The following SNRPD1 variants were observed in gnomAD, a reference collection of about 807,000 sequenced individuals.
SNRPD1 encodes small nuclear ribonucleoprotein D1 polypeptide.
Under a neutral mutation model 14.4 loss-of-function variants are expected in SNRPD1, and 1 was observed. That is an observed-to-expected ratio of 0.07 (90% CI 0.02 to 0.33). The LOEUF is 0.33. Ranked by LOEUF, SNRPD1 falls within the 10% of genes least tolerant of loss-of-function variation. The pLI is 1.00. For synonymous variants in SNRPD1, 42 were observed against 50.3 expected (o/e 0.83, Z 0.70); for missense variants, 52 against 146.4 (o/e 0.36, Z 3.33).
intron 1 of SNRPD1, among the ~76,000 whole-genome samples, chr18:21,619,119 T>C (rs527604063): frequency 1.3e-5 from 2 of 152,302 alleles, no homozygotes; most frequent in Admixed American, 6.5e-5. Context: ...AGAATGTCAT[T>C]AGAAAATGCA....
intron 1 of SNRPD1, among the ~76,000 whole-genome samples, chr18:21,613,723 C>T (rs575511819): frequency 6.6e-6 from 1 of 151,758 alleles, no homozygotes; most frequent in Non-Finnish European, 1.5e-5. Flanking sequence ...GGCGTGGTGG[C>T]GCGCGCCTTT....
chr18:21,624,838 C>A (rs768819995), intron 3 of SNRPD1, among the ~76,000 whole-genome samples: 75 of 152,044 alleles, frequency 4.9e-4, no homozygotes, highest in Admixed American at 1.2e-3. Flanking sequence ...ATTCTTAAGT[C>A]CCTTTTCATA....
rs527526530 is a variant in SNRPD1, at chr18:21,612,618, G to C, written c.14+175G>C. ...TCGGGCCTGGGCTTCCGCCTGGGTCGCTCGCGGATCCCGCGTGTCTTCCAA... is the reference window on the plus strand; with the variant it reads ...TCGGGCCTGGGCTTCCGCCTGGGTCCCTCGCGGATCCCGCGTGTCTTCCAA... On this transcript the variant is annotated intron_variant, in intron 1 of 3. Coordinates refer to ENST00000300413, the MANE Select transcript of SNRPD1 (RefSeq NM_006938.4). Among the ~76,000 whole-genome samples, 5 of 152,392 alleles carry C rather than the reference G, an allele frequency of 3.3e-5. 1 individual carries two copies. In the South Asian group the frequency reaches 1.0e-3, roughly 32 times the overall value.
intron 1 of SNRPD1, among the ~76,000 whole-genome samples, chr18:21,622,004 A>G (rs926555239): frequency 2.8e-4 from 42 of 152,254 alleles, no homozygotes; most frequent in African/African-American, 9.4e-4. Context: ...AAATCTGTAT[A>G]TATCCTTCTG....
At chr18:21,623,985 TC>T in intron 3 of SNRPD1, 46 bp downstream of exon 3, 1 of 1,072,636 alleles carries the variant, frequency 9.3e-7, no homozygotes, top group Non-Finnish European at 1.4e-6. Context: ...CTAATCCTAA[TC>T]CACACTATTC....
intron 1 of SNRPD1, among the ~76,000 whole-genome samples, chr18:21,620,683 T>C (rs981801894): frequency 2.0e-5 from 3 of 152,138 alleles, no homozygotes; most frequent in Admixed American, 2.0e-4. Flanking sequence ...GTAAATTATG[T>C]ATCCCAGGAG....
Position 21,630,246 on chromosome 18 carries a change from A to G in SNRPD1, c.*1108A>G, listed in dbSNP as rs1407312032. 6.6e-6 allele frequency: 1 copy of G among 152,138 alleles called. No homozygotes were observed. Among genetic ancestry groups the G allele is most frequent in the East Asian group, 1.9e-4 (1 of 5,198 alleles). The allele number at this position is 152,138 out of a possible 1,614,324, so 9.4% of individuals were successfully genotyped here. On this transcript the variant is annotated 3_prime_UTR_variant, in exon 4 of 4. Coordinates refer to ENST00000300413, the MANE Select transcript of SNRPD1 (RefSeq NM_006938.4). ...AAAGACCTACTTTATTTGACAGCAA[A>G]ACTGTTCTAATTGTTAATAAGGACT...
Position 21,630,105 on chromosome 18 carries a change from CTT to C in SNRPD1, c.*968_*969del, listed in dbSNP as rs1485124373. The C allele has an allele frequency of 6.6e-6, 1 of 152,180 alleles. No homozygotes were observed. The highest frequency in any genetic ancestry group is 1.9e-4 in the East Asian group (1 of 5,184). 9.4% of individuals were successfully genotyped at this position (152,180 alleles called of 1,614,324 possible). A position where few individuals can be genotyped will look rare whatever the true frequency, so the allele number is the denominator to read the frequency against. Reference sequence around the variant, plus strand: ...TAGTTTTATGTTTTCCAAGTTATAACTTGGAGTTAATGGTCACTAGATTATCA... The same window carrying C: ...TAGTTTTATGTTTTCCAAGTTATAACGGAGTTAATGGTCACTAGATTATCA... On this transcript the variant is annotated 3_prime_UTR_variant, in exon 4 of 4. Coordinates refer to ENST00000300413, the MANE Select transcript of SNRPD1 (RefSeq NM_006938.4).
In SNRPD1 at chr18:21,631,635, A is replaced by G. The variant is rs1358110287; in HGVS notation, c.*2497A>G. ...GTCTTTTTAGTAGAGACGGGGTTTC[A>G]CTGTGTTAGGATGGTCTCGTTCTCC... On this transcript the variant is annotated 3_prime_UTR_variant, in exon 4 of 4. Coordinates refer to ENST00000300413, the MANE Select transcript of SNRPD1 (RefSeq NM_006938.4). 1 of 151,766 alleles carries G rather than the reference A, an allele frequency of 6.6e-6. No homozygotes were observed. The highest frequency in any genetic ancestry group is 1.5e-5 in the Non-Finnish European group (1 of 68,052). 9.4% of individuals were successfully genotyped at this position (151,766 alleles called of 1,614,324 possible).
chr18:21,623,039 G>A (rs1020777716), intron 2 of SNRPD1, among the ~76,000 whole-genome samples: 17 of 151,028 alleles, frequency 1.1e-4, no homozygotes, highest in Non-Finnish European at 2.4e-4. Flanking sequence ...CAATTCTCCT[G>A]TCTCAGCCTC....
chr18:21,623,920 A>G lies in SNRPD1; in HGVS notation c.264A>G (p.Lys88=). ...TTGTGGATGTTGAACCTAAGGTGAA[A>G]TCTAAGAAAAGGGAAGCTGGTAAGT... ...TLLVDVEPKV[K]SKKREAVAGR... is the part of the protein sequence containing the mutation. The change falls in exon 3 of 4, where the codon AAA becomes AAG. Residue 88 remains lysine (K), a synonymous_variant. Transcript: ENST00000300413. The G allele has an allele frequency of 6.3e-7, 1 of 1,596,174 alleles. No individual in the cohort carries two copies. Among genetic ancestry groups the G allele is most frequent in the Non-Finnish European group, 8.5e-7 (1 of 1,174,002 alleles).
At chr18:21,628,225 T>G (rs1316865801) in intron 3 of SNRPD1, among the ~76,000 whole-genome samples, 2 of 152,034 alleles carry the variant, frequency 1.3e-5, no homozygotes, top group South Asian at 4.1e-4. Flanking sequence ...ACAAAAATTT[T>G]AAAAATTAGC....
At chr18:21,622,370 G>A (rs1234645158) in intron 1 of SNRPD1, among the ~76,000 whole-genome samples, 1 of 152,036 alleles carries the variant, frequency 6.6e-6, no homozygotes, top group Non-Finnish European at 1.5e-5. Flanking sequence ...TCGATCTCCT[G>A]ACCTCGTGAT....
In SNRPD1 at chr18:21,616,421, G is replaced by A. The variant is rs192244898; in HGVS notation, c.14+3978G>A. Among the ~76,000 whole-genome samples the A allele has an allele frequency of 1.4e-4, 22 of 152,012 alleles. No homozygotes were observed. In the East Asian group the frequency reaches 3.3e-3, roughly 23 times the overall value. On this transcript the variant is annotated intron_variant, in intron 1 of 3. Transcript: ENST00000300413. The stretch of plus-strand genomic sequence containing the variant: ...AGCTCAGGCTGGAGTACAATTGTGC[G>A]ATCTCAGCTCACTGCAACCTCTGCC...
In SNRPD1 at chr18:21,632,843, T is replaced by A. The variant is rs138210213; in HGVS notation, c.*3705T>A. ...TTAGTTTTTTTTCTTTTCTTTTCTT[T>A]TCTTTTCTTTTCTTTTTTTTTTTTT... On this transcript the variant is annotated 3_prime_UTR_variant, in exon 4 of 4. Transcript: ENST00000300413. The A allele has an allele frequency of 2.5e-3, 376 of 153,128 alleles. 1 individual carries two copies. Among genetic ancestry groups the A allele is most frequent in the Non-Finnish European group, 3.7e-3 (262 of 69,994 alleles). 9.5% of individuals were successfully genotyped at this position (153,128 alleles called of 1,614,324 possible).
In SNRPD1 at chr18:21,630,770, CGAGA is replaced by C. The variant is rs1275659835; in HGVS notation, c.*1639_*1642del. 1.4e-5 allele frequency: 2 copies of C among 146,052 alleles called. No individual in the cohort carries two copies. Among genetic ancestry groups the C allele is most frequent in the South Asian group, 2.1e-4 (1 of 4,670 alleles). The allele number at this position is 146,052 out of a possible 1,614,324, so 9.0% of individuals were successfully genotyped here. A position where few individuals can be genotyped will look rare whatever the true frequency, so the allele number is the denominator to read the frequency against. On this transcript the variant is annotated 3_prime_UTR_variant, in exon 4 of 4. Coordinates refer to ENST00000300413, the MANE Select transcript of SNRPD1 (RefSeq NM_006938.4). Reference sequence around the variant, plus strand: ...GTGAGACTACGTCTCAAAAAAAAATCGAGAGAGAGATATATATATGTATTTATAT... The same window carrying C: ...GTGAGACTACGTCTCAAAAAAAAATCGAGAGATATATATATGTATTTATAT...
chr18:21,622,221 G>T (rs1481768163), intron 1 of SNRPD1, among the ~76,000 whole-genome samples: 10 of 151,480 alleles, frequency 6.6e-5, no homozygotes, highest in African/African-American at 2.4e-4. Context: ...CTCACTGAGA[G>T]CTCTGCTTCC....
chr18:21,619,865 G>C (rs2038985186), intron 1 of SNRPD1, among the ~76,000 whole-genome samples: 1 of 152,174 alleles, frequency 6.6e-6, no homozygotes, highest in South Asian at 2.1e-4. Context: ...GCTCATTGCA[G>C]CCTCAAAGTC....
In SNRPD1 at chr18:21,632,173, C is replaced by T. The variant is rs928482270; in HGVS notation, c.*3035C>T. ...ACTTAGCATAAGAGATCTAAAATTA[C>T]GTTTTGTCCTGGCATGGTGGCTCAT... On this transcript the variant is annotated 3_prime_UTR_variant, in exon 4 of 4. Coordinates refer to ENST00000300413, the MANE Select transcript of SNRPD1 (RefSeq NM_006938.4). 2.6e-5 allele frequency: 4 copies of T among 151,968 alleles called. No homozygotes were observed. Among genetic ancestry groups the T allele is most frequent in the Admixed American group, 1.3e-4 (2 of 15,220 alleles). 9.4% of individuals were successfully genotyped at this position (151,968 alleles called of 1,614,324 possible).
Sources: allele counts gnomAD v4.1 joint callset (sites outside exome capture counted in the v4.1 genomes callset), GRCh38; gene constraint gnomAD v4.1.1; transcripts MANE v1.5; gene names NCBI Gene and HGNC (gene_info 2026-07-23, HGNC 2026-07-21).